ABTB2: variants seen among roughly 807,000 people sequenced by gnomAD.
ABTB2 encodes ankyrin repeat and BTB/POZ domain-containing protein 2.
ABTB2 carries 56 observed loss-of-function variants against 104.1 expected under a neutral mutation model. The ratio of observed to expected loss-of-function variants is 0.54; its 90% CI spans 0.43 to 0.67. The LOEUF (loss-of-function observed/expected upper bound fraction) is 0.67. ABTB2 is among the 30% of genes least tolerant of loss of function. The pLI is 0.00. For missense variants in ABTB2, 1,279 were observed against 1,407.7 expected (o/e 0.91, Z 1.46); for synonymous variants, 606 against 608.2 (o/e 1.00, Z 0.05).
intron 1 of ABTB2, among the ~76,000 whole-genome samples, chr11:34,246,847 CTTTTTTTT>C (rs199831054): frequency 2.5e-5 from 3 of 118,284 alleles, no homozygotes; most frequent in Non-Finnish European, 3.5e-5. Flanking sequence ...TTTCTTTTTT[CTTTTTTTT>C]TTTTTTTTTG....
chr11:34,321,026 T>C (rs1854995077), intron 1 of ABTB2, among the ~76,000 whole-genome samples: 1 of 152,012 alleles, frequency 6.6e-6, no homozygotes, highest in Non-Finnish European at 1.5e-5. Flanking sequence ...CTACTAAAAA[T>C]ACAAAATTAG....
At chr11:34,262,824 C>T (rs1383793067) in intron 1 of ABTB2, among the ~76,000 whole-genome samples, 1 of 152,218 alleles carries the variant, frequency 6.6e-6, no homozygotes, top group Admixed American at 6.5e-5. Context: ...GCGATTGTCA[C>T]CTGCAAACCC....
chr11:34,194,062 C>T (rs554311166), intron 3 of ABTB2, among the ~76,000 whole-genome samples: 12 of 152,212 alleles, frequency 7.9e-5, no homozygotes, highest in African/African-American at 2.9e-4. Context: ...ACACACGTCC[C>T]TTCCCTTTGT....
intron 7 of ABTB2, 138 bp downstream of exon 7, chr11:34,167,121 A>G: frequency 5.5e-6 from 4 of 733,800 alleles, no homozygotes; most frequent in East Asian, 2.9e-5. Flanking sequence ...TCTATCGATC[A>G]GGTGAGCTGG....
At chr11:34,290,303 T>C (rs933789765) in intron 1 of ABTB2, among the ~76,000 whole-genome samples, 46 of 152,364 alleles carry the variant, frequency 3.0e-4, no homozygotes, top group African/African-American at 9.4e-4. Flanking sequence ...AAGGTTTACA[T>C]TGTGGCCACG....
intron 1 of ABTB2, among the ~76,000 whole-genome samples, chr11:34,243,967 A>G (rs1456262872): frequency 6.6e-6 from 1 of 152,268 alleles, no homozygotes; most frequent in African/African-American, 2.4e-5. Flanking sequence ...GAGAAAGGAT[A>G]GGAATTTGAA....
rs781556726 is a variant in ABTB2, at chr11:34,313,140, A to G, written c.883+43561T>C. ...TAGCTCACTGTCAGTGGAACAATTT[A>G]TACAGGAGCCCATGTGCATTTTCTT... On this transcript the variant is annotated intron_variant, in intron 1 of 16. Coordinates refer to ENST00000435224, the MANE Select transcript of ABTB2 (RefSeq NM_145804.3). Among the ~76,000 whole-genome samples, 52 of 152,236 alleles carry G rather than the reference A, an allele frequency of 3.4e-4. 1 individual carries two copies. The highest frequency in any genetic ancestry group is 6.3e-4 in the Non-Finnish European group (43 of 68,040).
chr11:34,346,059 G>A (rs1590265337), intron 1 of ABTB2, among the ~76,000 whole-genome samples: 2 of 152,126 alleles, frequency 1.3e-5, no homozygotes, highest in East Asian at 1.9e-4. Context: ...TGTATACCTC[G>A]GAGCATGGAG....
At chr11:34,208,163 T>C (rs866369284) in intron 1 of ABTB2, among the ~76,000 whole-genome samples, 2 of 152,140 alleles carry the variant, frequency 1.3e-5, no homozygotes, top group African/African-American at 4.8e-5. Context: ...TCTTAACACC[T>C]CGATGTGTTC....
At chr11:34,298,408 GTTTC>G (rs137963230) in intron 1 of ABTB2, among the ~76,000 whole-genome samples, 6,249 of 145,420 alleles carry the variant, frequency 0.043, 203 homozygotes, top group East Asian at 0.15. Context: ...GAATGATCTT[GTTTC>G]TTTTTTTTTT....
At chr11:34,155,513 AAG>A (rs1167239079) in intron 14 of ABTB2, among the ~76,000 whole-genome samples, 1 of 152,244 alleles carries the variant, frequency 6.6e-6, no homozygotes, top group Non-Finnish European at 1.5e-5. Context: ...CAGTTGGAAA[AAG>A]AAAAACAATT....
At chr11:34,246,339 C>G (rs750660103) in intron 1 of ABTB2, among the ~76,000 whole-genome samples, 2 of 152,092 alleles carry the variant, frequency 1.3e-5, no homozygotes, top group Non-Finnish European at 2.9e-5. Flanking sequence ...TGGTGGCTCA[C>G]GCCTGTAATC....
chr11:34,354,495 G>C (rs868714005), intron 1 of ABTB2, among the ~76,000 whole-genome samples: 1 of 151,116 alleles, frequency 6.6e-6, no homozygotes, highest in Non-Finnish European at 1.5e-5. Flanking sequence ...GAGCTGGGGG[G>C]TGGGGGTGGG....
rs1484133547 is a variant in ABTB2 at position 34,357,553 on chromosome 11, T to C, written c.31A>G (p.Thr11Ala). 2.0e-6 allele frequency: 3 copies of C among 1,529,548 alleles called. No homozygotes were observed. The East Asian group carries it at 7.4e-5, about 38-fold the overall frequency. 94.7% of individuals were successfully genotyped at this position (1,529,548 alleles called of 1,614,324 possible). Reference sequence around the variant, plus strand: ...GAGTCCAAGGTCAAGTCCTCCAGCGTCTTCAGAGTCGAGCTGTACGTCCCG... The same window carrying C: ...GAGTCCAAGGTCAAGTCCTCCAGCGCCTTCAGAGTCGAGCTGTACGTCCCG... MAGTYSSTLK[T>A]LEDLTLDSGY... Residue 11 changes from threonine to alanine, a missense_variant, in exon 1 of 17, where the codon ACG becomes GCG. Coordinates refer to ENST00000435224, the MANE Select transcript of ABTB2 (RefSeq NM_145804.3).
intron 1 of ABTB2, among the ~76,000 whole-genome samples, chr11:34,306,215 A>G (rs958385457): frequency 6.9e-6 from 1 of 145,290 alleles, no homozygotes; most frequent in Admixed American, 6.9e-5. Flanking sequence ...AATGGCTCCC[A>G]CTAGCTGCCT....
In ABTB2 at chr11:34,167,165, G is replaced by C. The variant is rs2467389; in HGVS notation, c.1755+94C>G. 99,971 of 1,188,904 alleles carry C rather than the reference G, an allele frequency of 0.084. 4,853 individuals are homozygous for C. Among genetic ancestry groups the C allele is most frequent in the Admixed American group, 0.15 (6,977 of 47,662 alleles). The allele number at this position is 1,188,904 out of a possible 1,614,324, so 73.6% of individuals were successfully genotyped here. Reference sequence around the variant, plus strand: ...AGTGCCTTTGGGATCTCTGATTCAGGGCACCTGCCCACTCAGCTGAGGCTG... The same window carrying C: ...AGTGCCTTTGGGATCTCTGATTCAGCGCACCTGCCCACTCAGCTGAGGCTG... On this transcript the variant is annotated intron_variant, in intron 7 of 16. Transcript: ENST00000435224.
intron 1 of ABTB2, among the ~76,000 whole-genome samples, chr11:34,248,821 T>C (rs1054207783): frequency 9.9e-5 from 15 of 152,190 alleles, no homozygotes; most frequent in Admixed American, 9.2e-4. Context: ...ACAGGAAAAC[T>C]ATCACACACT....
intron 1 of ABTB2, among the ~76,000 whole-genome samples, chr11:34,269,191 G>A (rs899178054): frequency 6.6e-6 from 1 of 152,296 alleles, no homozygotes; most frequent in Non-Finnish European, 1.5e-5. Context: ...GTTGCTAAAA[G>A]GGGGATTGGT....
At chr11:34,315,555 T>C (rs1261573441) in intron 1 of ABTB2, among the ~76,000 whole-genome samples, 1 of 152,134 alleles carries the variant, frequency 6.6e-6, no homozygotes, top group African/African-American at 2.4e-5. Context: ...AGGGATGTGT[T>C]CTGGGTTCCC....
Sources: allele counts gnomAD v4.1 joint callset (sites outside exome capture counted in the v4.1 genomes callset), GRCh38; gene constraint gnomAD v4.1.1; transcripts MANE v1.5; gene names NCBI Gene and HGNC (gene_info 2026-07-23, HGNC 2026-07-21).